The following SIRPB1 variants were observed in gnomAD, a reference collection of about 807,000 sequenced individuals.
SIRPB1 encodes the protein signal regulatory protein beta 1, also known as signal-regulatory protein beta-1.
SIRPB1 carries 28 observed loss-of-function variants against 34.1 expected under a neutral mutation model. The observed-to-expected ratio is 0.82, with a 90% CI of 0.61 to 1.12. SIRPB1 has a LOEUF of 1.12. Ranked by LOEUF, SIRPB1 falls within the 50% of genes most tolerant of loss-of-function variation. SIRPB1 has a pLI of 0.00. For missense variants in SIRPB1, 499 were observed against 507.0 expected, an observed-to-expected ratio of 0.98 and a Z score of 0.15; for synonymous variants, 211 against 203.8, an observed-to-expected ratio of 1.04 and a Z score of -0.30.
At position 1,593,099 on chromosome 20, in the gene SIRPB1, CATAA is replaced by C. The variant is rs1364658990; in HGVS notation, c.77-14409_77-14406del. Among the ~76,000 whole-genome samples, 5 of 49,394 alleles carry C rather than the reference CATAA, an allele frequency of 1.0e-4. 2 individuals carry two copies. The highest frequency in any genetic ancestry group is 6.6e-4 in the African/African-American group (5 of 7,538). 32.4% of individuals were successfully genotyped at this position (49,394 alleles called of 152,430 possible). On this transcript the variant is annotated intron_variant, in intron 1 of 5. Coordinates refer to ENST00000381605, the MANE Select transcript of SIRPB1 (RefSeq NM_006065.5). ...TTCATGGTAAAATTTCTTAGACATA[CATAA>C]ATGAGTAAAAACGAAATTTAGGGAA...
At chr20:1,617,930 C>T (rs2091653799) in intron 1 of SIRPB1, among the ~76,000 whole-genome samples, 1 of 151,974 alleles carries the variant, frequency 6.6e-6, no homozygotes. Flanking sequence ...CATGCATATA[C>T]ATATGTATAC....
At chr20:1,566,118 G>A (rs996704560) in intron 5 of SIRPB1, 35 bp downstream of exon 5, 3 of 1,409,726 alleles carry the variant, frequency 2.1e-6, no homozygotes, top group Middle Eastern at 1.8e-4. Context: ...CTTTCTGGAG[G>A]AGCCCTTGGT....
At chr20:1,616,313 C>G (rs2091628655) in intron 1 of SIRPB1, among the ~76,000 whole-genome samples, 1 of 152,196 alleles carries the variant, frequency 6.6e-6, no homozygotes, top group African/African-American at 2.4e-5. Flanking sequence ...TCAAACTTGA[C>G]TACCGTGCCA....
chr20:1,578,610 C>A lies in SIRPB1; in HGVS notation c.161G>T (p.Cys54Phe), dbSNP rs1227577435. ...CACAGGGATCAGGGACGTCATAGCA[C>A]AGCGCAGAGTGGCCGACTCTCCAGC... ...VAAGESATLR[C>F]AMTSLIPVGP... The change falls in exon 2 of 6, where the codon TGT becomes TTT. Residue 54 changes from cysteine (C) to phenylalanine (F), a missense_variant. Physicochemically the swap from Cys to Phe is radical, Grantham distance 205 (BLOSUM62 -2). Transcript: ENST00000381605. The A allele has an allele frequency of 6.3e-7, 1 of 1,584,294 alleles. No individual in the cohort carries two copies. The highest frequency in any genetic ancestry group is 2.2e-5 in the East Asian group (1 of 44,868).
At chr20:1,613,968 A>T (rs557702100) in intron 1 of SIRPB1, among the ~76,000 whole-genome samples, 26 of 152,350 alleles carry the variant, frequency 1.7e-4, no homozygotes, top group South Asian at 8.3e-4. Flanking sequence ...TGAAAACTAA[A>T]GTCAAAGAGA....
chr20:1,604,181 C>T (rs1256337622), intron 1 of SIRPB1: 2 of 575,804 alleles, frequency 3.5e-6, no homozygotes, highest in Admixed American at 6.3e-5. Context: ...CCTTGTGGCA[C>T]AGACAGATCC....
At position 1,579,115 on chromosome 20, in the gene SIRPB1, C is replaced by A. The variant is rs769898008; in HGVS notation, c.77-421G>T. 1.4e-5 allele frequency among the ~76,000 whole-genome samples: 2 copies of A among 147,774 alleles called. 1 individual carries two copies. Among genetic ancestry groups the A allele is most frequent in the Non-Finnish European group, 3.0e-5 (2 of 66,056 alleles). ...CACAGGTGCATTCCACCATACCTGG[C>A]CAATTTTTGTATTTTTTCTAGAGAC... On this transcript the variant is annotated intron_variant, in intron 1 of 5. Coordinates refer to ENST00000381605, the MANE Select transcript of SIRPB1 (RefSeq NM_006065.5).
At position 1,578,445 on chromosome 20, in the gene SIRPB1, T is replaced by C. The variant is rs1485669167; in HGVS notation, c.326A>G (p.Asn109Ser). 2.5e-6 allele frequency: 4 copies of C among 1,584,658 alleles called. No individual in the cohort carries two copies. Among genetic ancestry groups the C allele is most frequent in the African/African-American group, 1.4e-5 (1 of 73,792 alleles). Residue 109 changes from asparagine to serine, a missense_variant, in exon 2 of 6, where the codon AAC becomes AGC. Coordinates refer to ENST00000381605, the MANE Select transcript of SIRPB1 (RefSeq NM_006065.5). ...GGTGCCGGCGTCTGCTGGGGTGATG[T>C]TACTGATGCTGATGGAAAAGTCCAG... is the stretch of plus-strand genomic sequence containing the variant. ...NNLDFSISISNITPADAGTYY... is the reference protein window; with the variant it reads ...NNLDFSISISSITPADAGTYY...
Position 1,562,773 on chromosome 20 carries a change from G to A in SIRPB1, c.*2727C>T, listed in dbSNP as rs892579350. On this transcript the variant is annotated 3_prime_UTR_variant, in exon 6 of 6. Coordinates refer to ENST00000381605, the MANE Select transcript of SIRPB1 (RefSeq NM_006065.5). The stretch of plus-strand genomic sequence containing the variant: ...TACTCAAACAGCAAATCCTATAGTT[G>A]GGTTGCCTCCTTGCCTCCCAGTGAT... Among the ~76,000 whole-genome samples the A allele has an allele frequency of 6.6e-6, 1 of 152,162 alleles. No individual in the cohort carries two copies. Among genetic ancestry groups the A allele is most frequent in the Non-Finnish European group, 1.5e-5 (1 of 68,036 alleles).
rs990125288 is a variant in SIRPB1 at position 1,565,212 on chromosome 20, G to A, written c.*288C>T. ...GGTTTATGGCCAGTCCCAAGGCGAC[G>A]GATGGGAGAAGTCCTGGTGTGTTTA... On this transcript the variant is annotated 3_prime_UTR_variant, in exon 6 of 6. Transcript: ENST00000381605. 27 of 395,352 alleles carry A rather than the reference G, an allele frequency of 6.8e-5. No homozygotes were observed. In the East Asian group the frequency reaches 8.6e-4, roughly 13 times the overall value. 24.5% of individuals were successfully genotyped at this position (395,352 alleles called of 1,614,324 possible).
chr20:1,618,106 T>C (rs2091657580), intron 1 of SIRPB1, among the ~76,000 whole-genome samples: 1 of 152,182 alleles, frequency 6.6e-6, no homozygotes, highest in South Asian at 2.1e-4. Context: ...GTGTATTAAA[T>C]AAAATTACAA....
Position 1,619,975 on chromosome 20 carries a change from A to T in SIRPB1, c.-31T>A. ...AGACCTTAGGAGCCTGCTCTGTCCAAACGTCTGTGCTGGGAAGATCGCAGA... is the reference window on the plus strand; with the variant it reads ...AGACCTTAGGAGCCTGCTCTGTCCATACGTCTGTGCTGGGAAGATCGCAGA... On this transcript the variant is annotated 5_prime_UTR_variant, in exon 1 of 6. It adds an upstream start codon to the 5' untranslated region. Transcript: ENST00000381605. 1 of 1,603,376 alleles carries T rather than the reference A, an allele frequency of 6.2e-7. No homozygotes were observed. Among genetic ancestry groups the T allele is most frequent in the Non-Finnish European group, 8.5e-7 (1 of 1,174,980 alleles).
chr20:1,594,136 G>A lies in SIRPB1; in HGVS notation c.77-15442C>T, dbSNP rs2091451017. On this transcript the variant is annotated intron_variant, in intron 1 of 5. Coordinates refer to ENST00000381605, the MANE Select transcript of SIRPB1 (RefSeq NM_006065.5). The stretch of plus-strand genomic sequence containing the variant: ...GAGAGTCACTTGAACCCGGGAGGTG[G>A]AGGTTGCAGTGAGCTGAGATTGCGC... Among the ~76,000 whole-genome samples, 3 of 48,716 alleles carry A rather than the reference G, an allele frequency of 6.2e-5. 1 individual carries two copies. The highest frequency in any genetic ancestry group is 4.1e-4 in the Admixed American group (3 of 7,288). The allele number at this position is 48,716 out of a possible 152,430, so 32.0% of individuals were successfully genotyped here.
chr20:1,570,793 A>C lies in SIRPB1; in HGVS notation c.1084+12T>G. ...GAAAAAGACAAAATTTAAAAATGGG[A>C]AGTAACCGCACCATGGGTGATATCT... is the stretch of plus-strand genomic sequence containing the variant. On this transcript the variant is annotated intron_variant, in intron 4 of 5. Transcript: ENST00000381605. 1 of 1,566,918 alleles carries C rather than the reference A, an allele frequency of 6.4e-7. No individual in the cohort carries two copies. Among genetic ancestry groups the C allele is most frequent in the Non-Finnish European group, 8.7e-7 (1 of 1,154,600 alleles).
intron 2 of SIRPB1, 50 bp downstream of exon 2, chr20:1,578,288 T>G: frequency 6.5e-6 from 10 of 1,528,156 alleles, no homozygotes; most frequent in Non-Finnish European, 9.0e-6. Context: ...ATGTAATTAT[T>G]GAGTTATTGT....
At chr20:1,567,027 T>C (rs1490507789) in intron 4 of SIRPB1, among the ~76,000 whole-genome samples, 2 of 152,182 alleles carry the variant, frequency 1.3e-5, no homozygotes, top group African/African-American at 4.8e-5. Context: ...CGGAAGCTCA[T>C]GTTGGGACTG....
intron 3 of SIRPB1, 58 bp downstream of exon 3, chr20:1,571,662 G>A: frequency 6.2e-7 from 1 of 1,612,188 alleles, no homozygotes; most frequent in Non-Finnish European, 8.5e-7. Context: ...AGCCTGGGGA[G>A]AGGGGAGTGG....
chr20:1,565,508 G>GGGAA lies in SIRPB1; in HGVS notation c.*3-15_*3-12dup, dbSNP rs1487514438. The GGGAA allele has an allele frequency of 2.0e-5, 3 of 152,384 alleles. No individual in the cohort carries two copies. The highest frequency in any genetic ancestry group is 6.7e-5 in the Admixed American group (1 of 14,888). 9.4% of individuals were successfully genotyped at this position (152,384 alleles called of 1,614,324 possible). ...CAGAGACTGAGGGTCCTACATGGCA[G>GGGAA]GGAAGGAAGGAAGGAGCTGTTGGAA... On this transcript the variant is annotated splice_polypyrimidine_tract_variant and intron_variant, in intron 5 of 5. Transcript: ENST00000381605.
Position 1,571,010 on chromosome 20 carries a change from G to C in SIRPB1, c.879C>G (p.Ser293=). 1 of 1,614,130 alleles carries C rather than the reference G, an allele frequency of 6.2e-7. No individual in the cohort carries two copies. The highest frequency in any genetic ancestry group is 1.7e-5 in the Admixed American group (1 of 60,020). The change falls in exon 4 of 6, where the codon TCC becomes TCG. Residue 293 remains serine (S), a synonymous_variant. Coordinates refer to ENST00000381605, the MANE Select transcript of SIRPB1 (RefSeq NM_006065.5). ...QLTWLENGNV[S]RTETASTLIE... ...TGAGGGTCGAAGCTGTTTCTGTCCG[G>C]GACACATTTCCATTCTCCAACCAGG...
Sources: allele counts gnomAD v4.1 joint callset (sites outside exome capture counted in the v4.1 genomes callset), GRCh38; gene constraint gnomAD v4.1.1; transcripts MANE v1.5; gene names NCBI Gene and HGNC (gene_info 2026-07-23, HGNC 2026-07-21).